Variants in NFIB observed in about 807,000 individuals in gnomAD.
The protein encoded by NFIB is nuclear factor 1 B-type.
In NFIB, 11 loss-of-function variants were observed where a neutral mutation model predicts 61.5. The ratio of observed to expected loss-of-function variants is 0.18; its 90% CI spans 0.11 to 0.30. The LOEUF (loss-of-function observed/expected upper bound fraction) is 0.30. NFIB is among the 10% of genes least tolerant of loss of function. NFIB has a pLI of 1.00. For missense variants in NFIB, 471 were observed against 608.9 expected, an observed-to-expected ratio of 0.77 and a Z score of 2.38; for synonymous variants, 260 against 216.5, an observed-to-expected ratio of 1.20 and a Z score of -1.76.
chr9:14,436,175 T>C, the NFIB span, among the ~76,000 whole-genome samples: 38 of 152,368 alleles, frequency 2.5e-4, no homozygotes, highest in South Asian at 4.1e-4. Flanking sequence ...GAACCAGCAA[T>C]GAAAATCTCT....
chr9:14,403,565 A>C (rs1000793793), upstream of NFIB, among the ~76,000 whole-genome samples: 1 of 150,788 alleles, frequency 6.6e-6, no homozygotes, highest in African/African-American at 2.4e-5. Context: ...TTTTTTCCTA[A>C]AGAGCTCATT....
intron 2 of NFIB, among the ~76,000 whole-genome samples, chr9:14,214,630 AC>A (rs1293590984): frequency 3.9e-5 from 6 of 152,254 alleles, no homozygotes; most frequent in Admixed American, 1.3e-4. Context: ...TTACATAACT[AC>A]CAGGAAACTT....
the NFIB span, among the ~76,000 whole-genome samples, chr9:14,509,281 G>A: frequency 6.6e-6 from 1 of 152,144 alleles, no homozygotes; most frequent in African/African-American, 2.4e-5. Context: ...AGGCATCTTT[G>A]TCATTGGCCA....
chr9:14,233,421 CTTTTT>C (rs766595252), intron 2 of NFIB, among the ~76,000 whole-genome samples: 3 of 109,130 alleles, frequency 2.7e-5, no homozygotes, highest in Admixed American at 9.8e-5. Context: ...TGCTATTATT[CTTTTT>C]TTTTTTTTTT....
the NFIB span, among the ~76,000 whole-genome samples, chr9:14,506,996 C>T: frequency 2.6e-5 from 4 of 152,006 alleles, no homozygotes; most frequent in Admixed American, 1.3e-4. Flanking sequence ...TATCTACAGG[C>T]GACACCATAA....
chr9:14,482,827 A>T, the NFIB span, among the ~76,000 whole-genome samples: 9,964 of 152,312 alleles, frequency 0.065, 388 homozygotes, highest in South Asian at 0.085. Flanking sequence ...ATCTAAATAC[A>T]TATTTAAACA....
At chr9:14,517,552 G>A in the NFIB span, among the ~76,000 whole-genome samples, 3 of 152,104 alleles carry the variant, frequency 2.0e-5, no homozygotes, top group South Asian at 4.2e-4. Context: ...CTTGATCTAC[G>A]TCTGTGAAGT....
At chr9:14,457,108 T>A in the NFIB span, among the ~76,000 whole-genome samples, 245 of 152,272 alleles carry the variant, frequency 1.6e-3, no homozygotes, top group African/African-American at 5.5e-3. Context: ...TATGCTGCCA[T>A]TGATCTTAAA....
the NFIB span, among the ~76,000 whole-genome samples, chr9:14,500,660 A>T: frequency 5.9e-5 from 9 of 152,184 alleles, no homozygotes; most frequent in Non-Finnish European, 1.0e-4. Flanking sequence ...AACAAACAAA[A>T]AATCCAACTC....
intron 2 of NFIB, among the ~76,000 whole-genome samples, chr9:14,292,568 G>A (rs10961465): frequency 0.26 from 39,977 of 152,092 alleles, 5,934 homozygotes; most frequent in Middle Eastern, 0.35. Context: ...GAGCTAACAG[G>A]GATAGTGGAT....
chr9:14,524,704 T>C, the NFIB span, among the ~76,000 whole-genome samples: 2 of 152,328 alleles, frequency 1.3e-5, no homozygotes, highest in Non-Finnish European at 2.9e-5. Flanking sequence ...ATTAATACTT[T>C]TGAGTTTAGC....
chr9:14,445,443 C>A, the NFIB span, among the ~76,000 whole-genome samples: 1 of 151,932 alleles, frequency 6.6e-6, no homozygotes, highest in Non-Finnish European at 1.5e-5. Context: ...TTTATAGATG[C>A]CTTTTATTGG....
intron 6 of NFIB, among the ~76,000 whole-genome samples, chr9:14,134,664 G>A (rs1238247381): frequency 6.6e-6 from 1 of 152,098 alleles, no homozygotes; most frequent in African/African-American, 2.4e-5. Context: ...GGCCGAGGCG[G>A]GTGGATCAAG....
intron 2 of NFIB, among the ~76,000 whole-genome samples, chr9:14,273,018 A>G (rs1403973329): frequency 6.6e-6 from 1 of 152,180 alleles, no homozygotes; most frequent in Non-Finnish European, 1.5e-5. Flanking sequence ...AAAATGAATT[A>G]AGATTATATT....
At chr9:14,216,522 CTCTCTCTCTCTCTCTCTCTCCCTCTGTG>C (rs1333124472) in intron 2 of NFIB, among the ~76,000 whole-genome samples, 454 of 42,084 alleles carry the variant, frequency 0.011, 11 homozygotes, top group African/African-American at 0.059. Context: ...CTCTCTCTCT[CTCTCTCTCTCTCTCTCTCTCCCTCTGTG>C]TGTGTGTGTG....
rs1276059617 is a variant in NFIB at position 14,082,537 on chromosome 9, T to A, written c.*5772A>T. On this transcript the variant is annotated 3_prime_UTR_variant, in exon 11 of 11. Transcript: ENST00000380953. ...TGGGATGTAGTTACCCCTCACATTCTACAATGTTGTAGAGATTTTTTTTCC... is the reference window on the plus strand; with the variant it reads ...TGGGATGTAGTTACCCCTCACATTCAACAATGTTGTAGAGATTTTTTTTCC... 1 of 206,764 alleles carries A rather than the reference T, an allele frequency of 4.8e-6. No homozygotes were observed. Among genetic ancestry groups the A allele is most frequent in the Admixed American group, 5.9e-5 (1 of 16,856 alleles). The allele number at this position is 206,764 out of a possible 1,614,324, so 12.8% of individuals were successfully genotyped here. A position where few individuals can be genotyped will look rare whatever the true frequency, so the allele number is the denominator to read the frequency against.
chr9:14,110,342 A>C (rs1400692686), intron 10 of NFIB, among the ~76,000 whole-genome samples: 1 of 152,104 alleles, frequency 6.6e-6, no homozygotes, highest in Admixed American at 6.5e-5. Context: ...TAAAGCAGCC[A>C]CCATGAACTG....
the NFIB span, among the ~76,000 whole-genome samples, chr9:14,498,550 CAT>C: frequency 6.6e-6 from 1 of 152,192 alleles, no homozygotes; most frequent in African/African-American, 2.4e-5. Context: ...AACAACATCA[CAT>C]GAGGAGAAAC....
chr9:14,443,428 G>A, the NFIB span, among the ~76,000 whole-genome samples: 1 of 152,132 alleles, frequency 6.6e-6, no homozygotes, highest in South Asian at 2.1e-4. Context: ...CCAAACTGAA[G>A]TCAGGTGTCT....
Sources: allele counts gnomAD v4.1 joint callset (sites outside exome capture counted in the v4.1 genomes callset), GRCh38; gene constraint gnomAD v4.1.1; transcripts MANE v1.5; gene names NCBI Gene and HGNC (gene_info 2026-07-23, HGNC 2026-07-21).